PCSK9: variants seen among roughly 807,000 people sequenced by gnomAD.
PCSK9 encodes proprotein convertase subtilisin/kexin type 9.
PCSK9 carries 57 observed loss-of-function variants against 62.1 expected under a neutral mutation model. The observed-to-expected ratio is 0.92, with a 90% CI of 0.74 to 1.14. The LOEUF (loss-of-function observed/expected upper bound fraction) is 1.14. PCSK9 is among the 50% of genes most tolerant of loss of function. The pLI, the probability that PCSK9 is intolerant of heterozygous loss-of-function variation, is 0.00. For synonymous variants in PCSK9, 387 were observed against 409.4 expected, an observed-to-expected ratio of 0.95 and a Z score of 0.66; for missense variants, 870 against 959.8, an observed-to-expected ratio of 0.91 and a Z score of 1.24.
chr1:55,042,539 G>T (rs28362215), intron 1 of PCSK9, among the ~76,000 whole-genome samples: 2 of 152,160 alleles, frequency 1.3e-5, no homozygotes, highest in Non-Finnish European at 1.5e-5. Context: ...TTGGGTAAAG[G>T]GGGTGGACTC....
chr1:55,052,880 C>T, intron 5 of PCSK9, 89 bp downstream of exon 5: 11 of 1,590,882 alleles, frequency 6.9e-6, no homozygotes, highest in Non-Finnish European at 9.4e-6. Context: ...GCTAATGTCT[C>T]CTAACCAAGA....
chr1:55,063,247 T>C (rs530851897), intron 11 of PCSK9, 122 bp from the exon 12 acceptor site: 1 of 1,074,436 alleles, frequency 9.3e-7, no homozygotes. Context: ...AAATGGGCTC[T>C]GAGCCAGCGA....
intron 2 of PCSK9, 130 bp downstream of exon 2, chr1:55,044,164 C>A (rs187520589): frequency 1.8e-6 from 2 of 1,111,060 alleles, no homozygotes; most frequent in African/African-American, 1.5e-5. Context: ...GAGCACTTAT[C>A]GGGTACCAAG....
intron 8 of PCSK9, 91 bp downstream of exon 8, chr1:55,058,300 A>G: frequency 6.6e-7 from 1 of 1,517,508 alleles, no homozygotes; most frequent in South Asian, 1.2e-5. Context: ...TTGTCTGTGT[A>G]AGGAGGATGA....
At chr1:55,052,548 C>A in intron 4 of PCSK9, 102 bp from the exon 5 acceptor site, 2 of 1,602,358 alleles carry the variant, frequency 1.2e-6, no homozygotes, top group Non-Finnish European at 1.7e-6. Context: ...CCCCTCCCTG[C>A]CATCAGTTGT....
At chr1:55,060,844 A>C (rs1644754321) in intron 10 of PCSK9, among the ~76,000 whole-genome samples, 1 of 152,208 alleles carries the variant, frequency 6.6e-6, no homozygotes, top group Admixed American at 6.5e-5. Context: ...CGCACGTGTC[A>C]TCTTCACAGT....
rs1644686098 is a variant in PCSK9 at position 55,052,841 on chromosome 1, G to A, written c.799+50G>A. 1.9e-6 allele frequency: 3 copies of A among 1,612,302 alleles called. No individual in the cohort carries two copies. The East Asian group carries it at 6.7e-5, about 36-fold the overall frequency. ...TCTCTCTCCATCTGGACCTGGCCTGGGAGGTGGCTTGGGCTGGGCCCAGGG... is the reference window on the plus strand; with the variant it reads ...TCTCTCTCCATCTGGACCTGGCCTGAGAGGTGGCTTGGGCTGGGCCCAGGG... On this transcript the variant is annotated intron_variant, in intron 5 of 11. Transcript: ENST00000302118.
chr1:55,052,517 A>G, intron 4 of PCSK9, 106 bp downstream of exon 4: 1 of 1,595,650 alleles, frequency 6.3e-7, no homozygotes. Flanking sequence ...CCTGGGTTGC[A>G]CCCCCCCCAG....
In PCSK9 at chr1:55,040,529, G is replaced by A. The variant is rs1394647959; in HGVS notation, c.207+485G>A. Among the ~76,000 whole-genome samples, 1 of 152,166 alleles carries A rather than the reference G, an allele frequency of 6.6e-6. No individual in the cohort carries two copies. Among genetic ancestry groups the A allele is most frequent in the African/African-American group, 2.4e-5 (1 of 41,438 alleles). ...ATGGGCAGCGGAGGGTGGAGGGCCT[G>A]GAGAGAAGGCCCTACCCGAGACAGG... On this transcript the variant is annotated intron_variant, in intron 1 of 11. Coordinates refer to ENST00000302118, the MANE Select transcript of PCSK9 (RefSeq NM_174936.4). This position sits in a 1 kb window ranked among gnomAD's most constrained non-coding sequence, Gnocchi z 4.1.
intron 5 of PCSK9, among the ~76,000 whole-genome samples, chr1:55,054,349 A>C (rs1212502879): frequency 6.6e-6 from 1 of 152,050 alleles, no homozygotes; most frequent in Non-Finnish European, 1.5e-5. Flanking sequence ...TGCCACTGCA[A>C]TCCAGCCTGA....
Position 55,063,458 on chromosome 1 carries a change from C to CAACACGTGTGTAGTCAGGA in PCSK9, c.1954_1972dup (p.Ser658LysfsTer59). 1 of 1,614,148 alleles carries CAACACGTGTGTAGTCAGGA rather than the reference C, an allele frequency of 6.2e-7. No individual in the cohort carries two copies. Among genetic ancestry groups the CAACACGTGTGTAGTCAGGA allele is most frequent in the Non-Finnish European group, 8.5e-7 (1 of 1,180,020 alleles). On this transcript the variant is annotated frameshift_variant, in exon 12 of 12. Transcript: ENST00000302118. LOFTEE classifies it low-confidence loss of function (END_TRUNC). The stretch of plus-strand genomic sequence containing the variant: ...ACGTCCTGGGGGCCTACGCCGTAGA[C>CAACACGTGTGTAGTCAGGA]AACACGTGTGTAGTCAGGAGCCGGG...
At chr1:55,062,852 C>T (rs1427923866) in intron 11 of PCSK9, among the ~76,000 whole-genome samples, 1 of 152,172 alleles carries the variant, frequency 6.6e-6, no homozygotes, top group Non-Finnish European at 1.5e-5. Context: ...TGTGGCCTAG[C>T]TGCTGAGCTG....
At position 55,052,803 on chromosome 1, in the gene PCSK9, C is replaced by A. The variant is rs779149407; in HGVS notation, c.799+12C>A. On this transcript the variant is annotated intron_variant, in intron 5 of 11. Transcript: ENST00000302118. ...CGGCACCCTCATAGGTAAGTGATGGCCCCAGACGCTGGTCTCTCTCCATCT... is the reference window on the plus strand; with the variant it reads ...CGGCACCCTCATAGGTAAGTGATGGACCCAGACGCTGGTCTCTCTCCATCT... 15 of 1,612,778 alleles carry A rather than the reference C, an allele frequency of 9.3e-6. No individual in the cohort carries two copies. The highest frequency in any genetic ancestry group is 1.7e-5 in the Admixed American group (1 of 59,990).
chr1:55,055,076 G>A (rs1018555325), intron 5 of PCSK9, among the ~76,000 whole-genome samples: 3 of 152,182 alleles, frequency 2.0e-5, no homozygotes, highest in Non-Finnish European at 4.4e-5. Flanking sequence ...GCACCAAAAT[G>A]GGGGAGTGGA....
At position 55,046,622 on chromosome 1, in the gene PCSK9, C is replaced by T. The variant is rs137878146; in HGVS notation, c.499C>T (p.Arg167Trp). 3.3e-5 allele frequency: 54 copies of T among 1,614,038 alleles called. No individual in the cohort carries two copies. In the African/African-American group the frequency reaches 3.7e-4, roughly 11 times the overall value. Residue 167 changes from arginine (R) to tryptophan (W), a missense_variant, in exon 3 of 12, where the codon CGG (arginine) becomes TGG (tryptophan). Physicochemically the swap from Arg to Trp is moderately radical, Grantham distance 101. Coordinates refer to ENST00000302118, the MANE Select transcript of PCSK9 (RefSeq NM_174936.4). ...NLERITPPRY[R>W]ADEYQPPDGG... ...GGAGCGGATTACCCCTCCACGGTAC[C>T]GGGCGGATGAATACCAGCCCCCCGG...
intron 2 of PCSK9, 88 bp from the exon 3 acceptor site, chr1:55,046,435 G>C (rs556132902): frequency 6.3e-7 from 1 of 1,599,094 alleles, no homozygotes; most frequent in South Asian, 1.1e-5. Context: ...GTGGGGACAG[G>C]TTTGATCAGG....
intron 3 of PCSK9, 135 bp downstream of exon 3, chr1:55,046,781 T>A: frequency 3.0e-6 from 3 of 998,564 alleles, no homozygotes; most frequent in Non-Finnish European, 4.4e-6. Context: ...GACCCCTTTT[T>A]TTCTGTCCCA....
intron 5 of PCSK9, among the ~76,000 whole-genome samples, chr1:55,054,543 C>T (rs1453854379): frequency 1.3e-5 from 2 of 152,198 alleles, no homozygotes; most frequent in Admixed American, 6.5e-5. Context: ...TCCTTGGCCA[C>T]GGCTCCTGGA....
chr1:55,059,599 T>A lies in PCSK9; in HGVS notation c.1617T>A (p.Ala539=), dbSNP rs1281565000. ...AGGCCAACTGCAGCGTCCACACAGC[T>A]CCACCAGCTGAGGCCAGCATGGGGA... ...LPQANCSVHT[A]PPAEASMGTR... is the part of the protein sequence containing the mutation. Residue 539 remains alanine (A), a synonymous_variant, in exon 10 of 12, where the codon GCT becomes GCA. Coordinates refer to ENST00000302118, the MANE Select transcript of PCSK9 (RefSeq NM_174936.4). 1 of 1,552,978 alleles carries A rather than the reference T, an allele frequency of 6.4e-7. No homozygotes were observed. Among genetic ancestry groups the A allele is most frequent in the Non-Finnish European group, 8.7e-7 (1 of 1,147,674 alleles).
Sources: allele counts gnomAD v4.1 joint callset (sites outside exome capture counted in the v4.1 genomes callset), GRCh38; gene constraint gnomAD v4.1.1; non-coding constraint Gnocchi (gnomAD v3.1); transcripts MANE v1.5; gene names NCBI Gene and HGNC (gene_info 2026-07-23, HGNC 2026-07-21).